Variants in SLX4IP observed in about 807,000 individuals in gnomAD.
SLX4IP encodes the protein SLX4 interacting protein.
Under a neutral mutation model 32.9 loss-of-function variants are expected in SLX4IP, and 34 were observed. That is an observed-to-expected ratio of 1.03 (90% CI 0.79 to 1.38). The LOEUF (loss-of-function observed/expected upper bound fraction) is 1.38. Ranked by LOEUF, SLX4IP falls within the 40% of genes most tolerant of loss-of-function variation. The pLI, the probability that SLX4IP is intolerant of heterozygous loss-of-function variation, is 0.00. For missense variants in SLX4IP, 444 were observed against 479.0 expected (o/e 0.93, Z 0.68); for synonymous variants, 172 against 171.7 (o/e 1.00, Z -0.01).
chr20:10,585,562 C>T (rs1330463530), intron 4 of SLX4IP, among the ~76,000 whole-genome samples: 3 of 148,974 alleles, frequency 2.0e-5, no homozygotes, highest in Non-Finnish European at 4.5e-5. Context: ...CCTTTCCTTT[C>T]CTTTCCTTTT....
rs575980261 is a variant in SLX4IP at position 10,500,653 on chromosome 20, G to A, written c.27+42422G>A. Among the ~76,000 whole-genome samples, 27 of 152,282 alleles carry A rather than the reference G, an allele frequency of 1.8e-4. No homozygotes were observed. The East Asian group carries it at 4.2e-3, about 24-fold the overall frequency. On this transcript the variant is annotated intron_variant, in intron 2 of 7. Transcript: ENST00000334534. ...TGTAGTCCCAGCTACTAGGAAAGCC[G>A]AGGTGGGAGGATTCCTTGAGCCCAG... is the stretch of plus-strand genomic sequence containing the variant.
At chr20:10,535,332 G>GT (rs774463166) in intron 2 of SLX4IP, among the ~76,000 whole-genome samples, 1 of 152,040 alleles carries the variant, frequency 6.6e-6, no homozygotes, top group African/African-American at 2.4e-5. Flanking sequence ...GGTTTTGTTT[G>GT]TTTTTTTGAG....
chr20:10,501,103 G>A lies in SLX4IP; in HGVS notation c.27+42872G>A, dbSNP rs768345282. 6.0e-4 allele frequency among the ~76,000 whole-genome samples: 91 copies of A among 152,168 alleles called. 3 individuals carry two copies. The Middle Eastern group carries it at 0.02, about 34-fold the overall frequency. ...CAGGAATTACACCTGAAAATAAATCGCGAAAGTTCCCATATGAAGCACAAG... is the reference window on the plus strand; with the variant it reads ...CAGGAATTACACCTGAAAATAAATCACGAAAGTTCCCATATGAAGCACAAG... On this transcript the variant is annotated intron_variant, in intron 2 of 7. Transcript: ENST00000334534.
At chr20:10,526,486 T>C (rs2065941472) in intron 2 of SLX4IP, among the ~76,000 whole-genome samples, 1 of 152,238 alleles carries the variant, frequency 6.6e-6, no homozygotes, top group Non-Finnish European at 1.5e-5. Flanking sequence ...GTCTGAAATA[T>C]GTCCTCAAGA....
At chr20:10,486,600 A>T (rs2065576593) in intron 2 of SLX4IP, among the ~76,000 whole-genome samples, 1 of 152,166 alleles carries the variant, frequency 6.6e-6, no homozygotes, top group Non-Finnish European at 1.5e-5. Context: ...ATAGGTTGGG[A>T]CAAATTTGCA....
At chr20:10,607,280 GAT>G (rs775097299) in intron 6 of SLX4IP, among the ~76,000 whole-genome samples, 2 of 152,152 alleles carry the variant, frequency 1.3e-5, no homozygotes, top group Non-Finnish European at 2.9e-5. Context: ...ATGACACTAA[GAT>G]ATTTGGGTTC....
At chr20:10,601,378 T>C (rs1304907080) in intron 5 of SLX4IP, among the ~76,000 whole-genome samples, 1 of 152,210 alleles carries the variant, frequency 6.6e-6, no homozygotes, top group Non-Finnish European at 1.5e-5. Flanking sequence ...TCTAAAGTGT[T>C]ACATGCTCAT....
chr20:10,580,980 C>A (rs1375613599), intron 4 of SLX4IP, among the ~76,000 whole-genome samples: 2 of 152,072 alleles, frequency 1.3e-5, no homozygotes, highest in Non-Finnish European at 2.9e-5. Context: ...GTGTACAGCC[C>A]AGACTTGTTT....
intron 2 of SLX4IP, among the ~76,000 whole-genome samples, chr20:10,524,022 G>GT (rs1308203340): frequency 6.6e-6 from 1 of 152,220 alleles, no homozygotes; most frequent in African/African-American, 2.4e-5. Flanking sequence ...CTGGTCGAAC[G>GT]TAAGAGCCTT....
At chr20:10,548,757 T>C (rs2066189951) in intron 2 of SLX4IP, among the ~76,000 whole-genome samples, 1 of 152,204 alleles carries the variant, frequency 6.6e-6, no homozygotes, top group South Asian at 2.1e-4. Context: ...GGGGTAATAG[T>C]TTCTGCTTTG....
At chr20:10,596,368 G>A (rs531212391) in intron 4 of SLX4IP, among the ~76,000 whole-genome samples, 5 of 151,998 alleles carry the variant, frequency 3.3e-5, no homozygotes, top group South Asian at 2.1e-4. Flanking sequence ...GACTACAGGC[G>A]TGTACCACCA....
intron 2 of SLX4IP, among the ~76,000 whole-genome samples, chr20:10,520,171 C>T (rs528870825): frequency 6.6e-6 from 1 of 152,140 alleles, no homozygotes; most frequent in Non-Finnish European, 1.5e-5. Context: ...CTGCCTCAGC[C>T]TCCTGAGTAG....
At chr20:10,449,563 G>C (rs1311570658) in intron 1 of SLX4IP, among the ~76,000 whole-genome samples, 1 of 152,214 alleles carries the variant, frequency 6.6e-6, no homozygotes, top group Non-Finnish European at 1.5e-5. Flanking sequence ...TAGGCCATCA[G>C]CTGTGAGATG....
In SLX4IP at chr20:10,622,690, A is replaced by ACGAGCAAAT. The variant is rs1266803616; in HGVS notation, c.541_549dup (p.Ser181_Ser183dup). 6.2e-7 allele frequency: 1 copy of ACGAGCAAAT among 1,612,156 alleles called. No homozygotes were observed. Among genetic ancestry groups the ACGAGCAAAT allele is most frequent in the Non-Finnish European group, 8.5e-7 (1 of 1,179,420 alleles). ...AAGAACTGAAACAAAAAGCAGTGTC[A>ACGAGCAAAT]CGAGCAAATCGCAGACCAGAAGAGA... On this transcript the variant is annotated inframe_insertion, in exon 8 of 8. Coordinates refer to ENST00000334534, the MANE Select transcript of SLX4IP (RefSeq NM_001009608.3).
chr20:10,560,769 C>T lies in SLX4IP; in HGVS notation c.187C>T (p.His63Tyr), dbSNP rs1471246600. The T allele has an allele frequency of 6.2e-7, 1 of 1,608,414 alleles. No individual in the cohort carries two copies. The change falls in exon 4 of 8, where the codon CAC becomes TAC. Residue 63 changes from histidine to tyrosine, a missense_variant. Coordinates refer to ENST00000334534, the MANE Select transcript of SLX4IP (RefSeq NM_001009608.3). ...VQEYLEVRKQ[H>Y]RPSNAEFTRS... Reference sequence around the variant, plus strand: ...GGAGTACTTGGAAGTTCGCAAACAGCACAGGCCATCAAATGCAGAATTCAC... The same window carrying T: ...GGAGTACTTGGAAGTTCGCAAACAGTACAGGCCATCAAATGCAGAATTCAC...
At chr20:10,454,415 C>A (rs2065268431) in intron 1 of SLX4IP, among the ~76,000 whole-genome samples, 1 of 109,590 alleles carries the variant, frequency 9.1e-6, no homozygotes, top group African/African-American at 2.8e-5. Flanking sequence ...AGAGGAAGGT[C>A]TCTGTATTTG....
chr20:10,518,492 T>C (rs896210856), intron 2 of SLX4IP, among the ~76,000 whole-genome samples: 43 of 13,298 alleles, frequency 3.2e-3, no homozygotes, highest in African/African-American at 0.018. Flanking sequence ...CCTTTCCTTT[T>C]CCTTCCTTCC....
chr20:10,582,837 A>C (rs1327508270), intron 4 of SLX4IP, among the ~76,000 whole-genome samples: 1 of 152,180 alleles, frequency 6.6e-6, no homozygotes, highest in Admixed American at 6.5e-5. Context: ...TGTTATTTTC[A>C]GGGTTAGGAA....
At chr20:10,559,934 C>T (rs1264675237) in intron 3 of SLX4IP, among the ~76,000 whole-genome samples, 1 of 152,162 alleles carries the variant, frequency 6.6e-6, no homozygotes, top group Non-Finnish European at 1.5e-5. Context: ...TAGTGATTTC[C>T]AGTTCTCTGC....
Sources: gnomAD v4.1 joint callset for allele counts (sites outside exome capture counted in the v4.1 genomes callset) on GRCh38, gnomAD v4.1.1 for gene constraint, MANE v1.5 for transcripts, NCBI Gene and HGNC (gene_info 2026-07-23, HGNC 2026-07-21) for gene names.